Variants in TENM1 observed in about 807,000 individuals in gnomAD.
The protein encoded by TENM1 is teneurin transmembrane protein 1, also known as teneurin-1.
In TENM1, 35 loss-of-function variants were observed where a neutral mutation model predicts 174.8. That is an observed-to-expected ratio of 0.20 (90% CI 0.15 to 0.27). The LOEUF is 0.27. Among genes scored for constraint, TENM1 ranks in the 10% least tolerant of loss-of-function variants. The pLI, the probability that TENM1 is intolerant of heterozygous loss-of-function variation, is 1.00. For synonymous variants in TENM1, 781 were observed against 798.7 expected (o/e 0.98, Z 0.37); for missense variants, 1,633 against 2,130.1 (o/e 0.77, Z 4.59).
At chrX:125,103,889 G>C in the TENM1 span, among the ~76,000 whole-genome samples, 1 of 111,875 alleles carries the variant, frequency 8.9e-6, no homozygotes, top group African/African-American at 3.2e-5. Context: ...AAGAGGCTGA[G>C]TGAGGCAGGA....
the TENM1 span, among the ~76,000 whole-genome samples, chrX:125,135,197 T>C: frequency 1.8e-5 from 2 of 111,868 alleles, no homozygotes; most frequent in Non-Finnish European, 3.8e-5. Flanking sequence ...CTGGGTTTCA[T>C]CCTTAACACA....
At chrX:125,179,641 CAT>C in the TENM1 span, among the ~76,000 whole-genome samples, 1 of 110,796 alleles carries the variant, frequency 9.0e-6, no homozygotes, top group Non-Finnish European at 1.9e-5. Context: ...TTCTACATAG[CAT>C]ATCTCAAATC....
intron 3 of TENM1, among the ~76,000 whole-genome samples, chrX:124,822,580 G>A (rs772859404): frequency 1.8e-5 from 2 of 111,341 alleles, no homozygotes; most frequent in Admixed American, 9.6e-5. Flanking sequence ...TTTCTCAAAG[G>A]ACTTCTGATT....
chrX:124,631,188 T>C (rs954875581), intron 11 of TENM1, among the ~76,000 whole-genome samples: 12 of 111,878 alleles, frequency 1.1e-4, no homozygotes, highest in African/African-American at 3.9e-4. Context: ...AAAATAACCA[T>C]GTTTCATGTA....
At chrX:124,543,311 G>A (rs757192610) in intron 15 of TENM1, among the ~76,000 whole-genome samples, 106 of 112,530 alleles carry the variant, frequency 9.4e-4, no homozygotes, top group African/African-American at 3.4e-3. Context: ...ACATCTGTGG[G>A]CTGATTTTAA....
intron 3 of TENM1, among the ~76,000 whole-genome samples, chrX:124,778,264 G>A (rs1482740939): frequency 8.9e-6 from 1 of 112,409 alleles, no homozygotes; most frequent in Non-Finnish European, 1.9e-5. Context: ...CAGGTGGGAG[G>A]AGCCTGGACT....
At chrX:124,571,690 A>G (rs1467587047) in intron 11 of TENM1, among the ~76,000 whole-genome samples, 1 of 112,163 alleles carries the variant, frequency 8.9e-6, no homozygotes, top group Non-Finnish European at 1.9e-5. Context: ...TTATGCAAGT[A>G]AGTCTGAAAC....
chrX:125,027,353 G>A, the TENM1 span, among the ~76,000 whole-genome samples: 1 of 111,664 alleles, frequency 9.0e-6, no homozygotes, highest in Non-Finnish European at 1.9e-5. Context: ...AATAAATCTA[G>A]TAAAAGCTGC....
chrX:124,939,328 G>A (rs1311967374), intron 1 of TENM1, among the ~76,000 whole-genome samples: 1 of 110,813 alleles, frequency 9.0e-6, no homozygotes, highest in Non-Finnish European at 1.9e-5. Context: ...TTCTATGGTG[G>A]TCTGGAATCC....
the TENM1 span, among the ~76,000 whole-genome samples, chrX:125,149,369 T>A: frequency 1.8e-5 from 2 of 111,800 alleles, no homozygotes; most frequent in Non-Finnish European, 3.8e-5. Context: ...GCACATTGTA[T>A]CTATCTATAC....
At chrX:124,877,233 C>T (rs1257994491) in intron 3 of TENM1, among the ~76,000 whole-genome samples, 1 of 112,131 alleles carries the variant, frequency 8.9e-6, no homozygotes, top group Non-Finnish European at 1.9e-5. Flanking sequence ...TTCCACTTTC[C>T]TCCACAGAGG....
chrX:124,441,991 C>G (rs1266855217), intron 23 of TENM1, among the ~76,000 whole-genome samples: 3 of 112,185 alleles, frequency 2.7e-5, no homozygotes, highest in Non-Finnish European at 5.6e-5. Flanking sequence ...CTTTCTTCAC[C>G]TCTCTTTTTT....
chrX:124,548,550 A>G (rs1318664383), intron 14 of TENM1, among the ~76,000 whole-genome samples: 1 of 111,944 alleles, frequency 8.9e-6, no homozygotes, highest in African/African-American at 3.3e-5. Flanking sequence ...CATGCCCCAT[A>G]AGCAAAAAAA....
In TENM1 at chrX:124,529,903, T is replaced by A. The variant is rs2048067380; in HGVS notation, c.2732A>T (p.His911Leu). ...GCTGATGGTAAACCCATAATCACTG[T>A]GGTGCAAGAAACTGACATTCACTCC... The change falls in exon 16 of 32, where the codon CAC becomes CTC. Residue 911 changes from histidine (H) to leucine (L), a missense_variant. Physicochemically the swap from His to Leu is moderately conservative, Grantham distance 99. This residue lies in a region of TENM1 where 449 missense variants were observed against 636.2 expected (regional missense o/e 0.71). Coordinates refer to ENST00000422452, the Ensembl canonical transcript of TENM1. 1.7e-6 allele frequency: 2 copies of A among 1,211,341 alleles called. No homozygotes were observed. Among genetic ancestry groups the A allele is most frequent in the South Asian group, 3.5e-5 (2 of 56,941 alleles).
chrX:124,953,454 T>G (rs1332555235), intron 1 of TENM1, among the ~76,000 whole-genome samples: 1 of 111,938 alleles, frequency 8.9e-6, no homozygotes, highest in Admixed American at 9.5e-5. Context: ...TTCAGCCATG[T>G]TATCTATTGT....
chrX:125,027,641 GT>G, the TENM1 span, among the ~76,000 whole-genome samples: 1 of 94,980 alleles, frequency 1.1e-5, no homozygotes, highest in Non-Finnish European at 2.1e-5. Context: ...TTGAGACGGA[GT>G]CTCGCTCTGG....
At chrX:125,060,124 T>C in the TENM1 span, among the ~76,000 whole-genome samples, 1 of 107,308 alleles carries the variant, frequency 9.3e-6, no homozygotes, top group African/African-American at 3.4e-5. Flanking sequence ...TATAATCAAT[T>C]TTTCTCTCTC....
intron 23 of TENM1, among the ~76,000 whole-genome samples, chrX:124,430,091 A>G (rs1303060375): frequency 9.0e-6 from 1 of 111,471 alleles, no homozygotes; most frequent in African/African-American, 3.3e-5. Flanking sequence ...GACTAGATGC[A>G]GGATAACCAA....
exon 32 of TENM1, chrX:124,381,206 T>A: frequency 3.3e-6 from 4 of 1,207,957 alleles, no homozygotes; most frequent in Non-Finnish European, 4.5e-6. Flanking sequence ...GCACCGTCCA[T>A]CATTGTATCG....
Sources: allele counts gnomAD v4.1 joint callset (sites outside exome capture counted in the v4.1 genomes callset), GRCh38; gene constraint gnomAD v4.1.1; regional missense constraint gnomAD v4.1.1; transcripts MANE v1.5; gene names NCBI Gene and HGNC (gene_info 2026-07-23, HGNC 2026-07-21).